The following ANKRD13C variants were observed in gnomAD, a reference collection of about 807,000 sequenced individuals.
The protein encoded by ANKRD13C is ankyrin repeat domain-containing protein 13C.
A neutral mutation model predicts 65.5 loss-of-function variants in ANKRD13C; 16 were observed. The ratio of observed to expected loss-of-function variants is 0.24; its 90% CI spans 0.17 to 0.37. The LOEUF is 0.37. Ranked by LOEUF, ANKRD13C falls within the 10% of genes least tolerant of loss-of-function variation. The pLI, the probability that ANKRD13C is intolerant of heterozygous loss-of-function variation, is 1.00. For synonymous variants in ANKRD13C, 235 were observed against 238.7 expected (o/e 0.98, Z 0.14); for missense variants, 503 against 655.9 (o/e 0.77, Z 2.55).
At position 70,354,246 on chromosome 1, in the gene ANKRD13C, T is replaced by C. The variant is rs1682893961; in HGVS notation, c.163A>G (p.Ser55Gly). ...KGGKACHKIFSNHHHRLQLKA... is the reference protein window; with the variant it reads ...KGGKACHKIFGNHHHRLQLKA... ...AGCTGTAGCCGGTGGTGATGGTTACTGAAGATCTTATGACAAGCTTTGCCG... is the reference window on the plus strand; with the variant it reads ...AGCTGTAGCCGGTGGTGATGGTTACCGAAGATCTTATGACAAGCTTTGCCG... The change falls in exon 1 of 13, where the codon AGT becomes GGT. Residue 55 changes from serine to glycine, a missense_variant. Transcript: ENST00000370944. 5 of 1,613,586 alleles carry C rather than the reference T, an allele frequency of 3.1e-6. No individual in the cohort carries two copies. Among genetic ancestry groups the C allele is most frequent in the Non-Finnish European group, 8.5e-7 (1 of 1,180,018 alleles).
At chr1:70,311,167 C>T (rs77478964) in intron 5 of ANKRD13C, among the ~76,000 whole-genome samples, 1,975 of 152,198 alleles carry the variant, frequency 0.013, 19 homozygotes, top group Non-Finnish European at 0.018. Context: ...GTATTTCCAC[C>T]TGAAATATGG....
chr1:70,284,885 T>C (rs1424819682), intron 9 of ANKRD13C, among the ~76,000 whole-genome samples: 3 of 152,172 alleles, frequency 2.0e-5, no homozygotes, highest in African/African-American at 4.8e-5. Context: ...ATTCCTGTTG[T>C]TTTCTTTTTT....
intron 6 of ANKRD13C, among the ~76,000 whole-genome samples, chr1:70,301,907 C>T (rs982830452): frequency 4.4e-4 from 67 of 152,320 alleles, no homozygotes; most frequent in African/African-American, 1.5e-3. Flanking sequence ...AGCCAAGAAA[C>T]TGGTTGGCCC....
At position 70,354,381 on chromosome 1, in the gene ANKRD13C, G is replaced by C; in HGVS notation, c.28C>G (p.Arg10Gly). 6.2e-7 allele frequency: 1 copy of C among 1,613,776 alleles called. No homozygotes were observed. The change falls in exon 1 of 13, where the codon CGG becomes GGG. Residue 10 changes from arginine (R) to glycine (G), a missense_variant. Transcript: ENST00000370944. ...TCTTTGCTGGGCTTGTGGTCCCTCC[G>C]CAGTGAGCGGATCTTCTCCCCGGTC... MTGEKIRSL[R>G]RDHKPSKEEG...
intron 3 of ANKRD13C, among the ~76,000 whole-genome samples, chr1:70,319,524 T>C (rs530088567): frequency 3.9e-4 from 59 of 150,230 alleles, no homozygotes; most frequent in Middle Eastern, 3.4e-3. Context: ...GGAGAATTGC[T>C]TGAATCTGAG....
chr1:70,352,334 C>A (rs570080482), intron 1 of ANKRD13C, among the ~76,000 whole-genome samples: 1 of 114,820 alleles, frequency 8.7e-6, no homozygotes, highest in Non-Finnish European at 1.8e-5. Context: ...AGCAAGACTC[C>A]GTCTCAAAAA....
chr1:70,274,186 C>T (rs1225298197), intron 11 of ANKRD13C, among the ~76,000 whole-genome samples: 1 of 151,140 alleles, frequency 6.6e-6, no homozygotes, highest in Non-Finnish European at 1.5e-5. Context: ...ATTTAAAAAC[C>T]TACTCGGCTG....
At chr1:70,330,574 C>CAAAAAAAAAAAAAAAAAA (rs71071394) in intron 2 of ANKRD13C, among the ~76,000 whole-genome samples, 67 of 68,338 alleles carry the variant, frequency 9.8e-4, no homozygotes, top group Middle Eastern at 0.015. Context: ...ACAAACAAAC[C>CAAAAAAAAAAAAAAAAAA]AAAAAAAAAA....
At chr1:70,287,526 GAGC>G (rs2101218655) in intron 9 of ANKRD13C, among the ~76,000 whole-genome samples, 1 of 152,110 alleles carries the variant, frequency 6.6e-6, no homozygotes, top group South Asian at 2.1e-4. Flanking sequence ...TAGGAACCTG[GAGC>G]TAGGCAAAAA....
At chr1:70,300,713 A>T (rs559167722) in intron 7 of ANKRD13C, 51 bp downstream of exon 7, 1 of 1,476,750 alleles carries the variant, frequency 6.8e-7, no homozygotes, top group Non-Finnish European at 9.0e-7. Flanking sequence ...CTAAAAACCT[A>T]TACTTTTTTT....
rs752444567 is a variant in ANKRD13C, at chr1:70,292,505, T to A, written c.1098A>T (p.Gly366=). The A allele has an allele frequency of 1.2e-6, 2 of 1,605,724 alleles. No individual in the cohort carries two copies. Among genetic ancestry groups the A allele is most frequent in the Admixed American group, 1.7e-5 (1 of 57,612 alleles). Residue 366 remains glycine, a synonymous_variant, in exon 9 of 13, where the codon GGA becomes GGT. Coordinates refer to ENST00000370944, the MANE Select transcript of ANKRD13C (RefSeq NM_030816.5). ...TTCTTTTCCTTGATTCTAAAACAAG[T>A]CCATTCACCAGGTAAAAGTCTGCCA... ...NFLADFYLVN[G]LVLESRKRRE... is the part of the protein sequence containing the mutation.
At chr1:70,330,442 C>A (rs192673821) in intron 2 of ANKRD13C, among the ~76,000 whole-genome samples, 5 of 151,764 alleles carry the variant, frequency 3.3e-5, no homozygotes, top group Non-Finnish European at 1.5e-5. Context: ...CCTGTAATCC[C>A]GGCTGCTCAG....
intron 9 of ANKRD13C, among the ~76,000 whole-genome samples, chr1:70,286,599 T>A (rs1679631966): frequency 6.6e-6 from 1 of 151,716 alleles, no homozygotes; most frequent in Admixed American, 6.6e-5. Context: ...GAAAAACAAA[T>A]AAAAGAAATA....
At chr1:70,347,006 G>A (rs1228176297) in intron 1 of ANKRD13C, among the ~76,000 whole-genome samples, 1 of 149,760 alleles carries the variant, frequency 6.7e-6, no homozygotes, top group Non-Finnish European at 1.5e-5. Flanking sequence ...GCAGGAGAAT[G>A]GTGTGAACCG....
At chr1:70,297,731 T>G (rs1252818958) in intron 7 of ANKRD13C, among the ~76,000 whole-genome samples, 4 of 147,360 alleles carry the variant, frequency 2.7e-5, no homozygotes, top group Non-Finnish European at 4.5e-5. Flanking sequence ...CTGGCTAACA[T>G]GGTGAAACCC....
intron 2 of ANKRD13C, among the ~76,000 whole-genome samples, chr1:70,331,806 A>G (rs1681811623): frequency 7.8e-6 from 1 of 128,546 alleles, no homozygotes; most frequent in Non-Finnish European, 1.6e-5. Context: ...TAGGCAACAG[A>G]GCAAGACTCG....
intron 1 of ANKRD13C, among the ~76,000 whole-genome samples, chr1:70,342,463 G>A (rs958444175): frequency 2.6e-5 from 4 of 152,092 alleles, no homozygotes; most frequent in Non-Finnish European, 5.9e-5. Flanking sequence ...GCTTGAACCC[G>A]GGAGGCAGAA....
chr1:70,311,193 G>T (rs1333057824), intron 5 of ANKRD13C, among the ~76,000 whole-genome samples: 2 of 152,062 alleles, frequency 1.3e-5, no homozygotes, highest in Non-Finnish European at 2.9e-5. Context: ...TGCCTACTAT[G>T]GGTTGAATAA....
At chr1:70,296,614 T>G (rs1680091029) in intron 7 of ANKRD13C, among the ~76,000 whole-genome samples, 1 of 152,198 alleles carries the variant, frequency 6.6e-6, no homozygotes, top group Non-Finnish European at 1.5e-5. Flanking sequence ...AGAATTAACT[T>G]GACAGATCTG....
Sources: allele counts gnomAD v4.1 joint callset (sites outside exome capture counted in the v4.1 genomes callset), GRCh38; gene constraint gnomAD v4.1.1; transcripts MANE v1.5; gene names NCBI Gene and HGNC (gene_info 2026-07-23, HGNC 2026-07-21).